Variants in ST6GALNAC3 observed in about 807,000 individuals in gnomAD.
ST6GALNAC3 encodes the protein ST6 N-acetylgalactosaminide alpha-2,6-sialyltransferase 3, also known as alpha-N-acetylgalactosaminide alpha-2,6-sialyltransferase 3.
Under a neutral mutation model 32.7 loss-of-function variants are expected in ST6GALNAC3, and 25 were observed. That is an observed-to-expected ratio of 0.76 (90% CI 0.56 to 1.07). The LOEUF is 1.07. Ranked by LOEUF, ST6GALNAC3 falls within the 50% of genes least tolerant of loss-of-function variation. The probability of loss-of-function intolerance (pLI) is 0.00; values close to 1 mark genes in which losing one functional copy is unlikely to be tolerated. For synonymous variants in ST6GALNAC3, 129 were observed against 133.1 expected (o/e 0.97, Z 0.21); for missense variants, 355 against 382.4 (o/e 0.93, Z 0.60).
chr1:76,572,051 A>G (rs1665891333), intron 3 of ST6GALNAC3, among the ~76,000 whole-genome samples: 2 of 152,094 alleles, frequency 1.3e-5, no homozygotes, highest in South Asian at 4.1e-4. Context: ...TTCCTCATGG[A>G]AAAATAATTA....
At chr1:76,345,328 G>A (rs1300657059) in intron 2 of ST6GALNAC3, among the ~76,000 whole-genome samples, 1 of 152,094 alleles carries the variant, frequency 6.6e-6, no homozygotes, top group Admixed American at 6.5e-5. Context: ...GAAGAAAAGA[G>A]AAATCAAGGC....
chr1:76,494,109 G>A (rs1240324922), intron 3 of ST6GALNAC3, among the ~76,000 whole-genome samples: 1 of 151,854 alleles, frequency 6.6e-6, no homozygotes, highest in East Asian at 1.9e-4. Context: ...CTCGGCAGCA[G>A]GATTTCTGAA....
At chr1:76,205,495 A>G (rs1654770187) in intron 1 of ST6GALNAC3, among the ~76,000 whole-genome samples, 1 of 152,076 alleles carries the variant, frequency 6.6e-6, no homozygotes, top group South Asian at 2.1e-4. Flanking sequence ...GATAGAGGGG[A>G]TGAGGAGAGG....
At chr1:76,376,762 T>C (rs61771501) in intron 2 of ST6GALNAC3, among the ~76,000 whole-genome samples, 94,960 of 151,986 alleles carry the variant, frequency 0.62, 30,903 homozygotes, top group Non-Finnish European at 0.72. Flanking sequence ...GGGCTTAAAT[T>C]TGCCATTTAA....
At chr1:76,418,134 A>G (rs189024563) in intron 3 of ST6GALNAC3, among the ~76,000 whole-genome samples, 1 of 152,264 alleles carries the variant, frequency 6.6e-6, no homozygotes, top group African/African-American at 2.4e-5. Context: ...TTTATAAGCT[A>G]GCAAGGGTTT....
chr1:76,623,994 G>C (rs1648807403), intron 3 of ST6GALNAC3, among the ~76,000 whole-genome samples: 1 of 151,842 alleles, frequency 6.6e-6, no homozygotes. Context: ...CAAATAGTTA[G>C]AGAAAAGAAC....
At chr1:76,500,041 A>G (rs559864978) in intron 3 of ST6GALNAC3, among the ~76,000 whole-genome samples, 2 of 152,278 alleles carry the variant, frequency 1.3e-5, no homozygotes, top group Admixed American at 1.3e-4. Context: ...GAGATTTAAA[A>G]AAAAAAGCCT....
chr1:76,592,845 G>T (rs1647069773), intron 3 of ST6GALNAC3, among the ~76,000 whole-genome samples: 1 of 152,182 alleles, frequency 6.6e-6, no homozygotes. Context: ...AGCATTTGGG[G>T]ACGCAGAGGA....
chr1:76,282,423 T>A (rs1488143019), intron 1 of ST6GALNAC3, among the ~76,000 whole-genome samples: 6 of 152,194 alleles, frequency 3.9e-5, no homozygotes, highest in Non-Finnish European at 8.8e-5. Flanking sequence ...TATGAACATC[T>A]CCCCATGTCA....
At chr1:76,289,584 G>A (rs1460489715) in intron 1 of ST6GALNAC3, among the ~76,000 whole-genome samples, 2 of 152,170 alleles carry the variant, frequency 1.3e-5, no homozygotes, top group Non-Finnish European at 2.9e-5. Context: ...CTTCTTGTGG[G>A]GCTGAGGGGT....
At chr1:76,508,520 C>T (rs578097511) in intron 3 of ST6GALNAC3, among the ~76,000 whole-genome samples, 1 of 152,228 alleles carries the variant, frequency 6.6e-6, no homozygotes, top group African/African-American at 2.4e-5. Flanking sequence ...CCTAGGAAGG[C>T]AGCATTGTGT....
At chr1:76,176,351 C>T (rs1376289222) in intron 1 of ST6GALNAC3, among the ~76,000 whole-genome samples, 1 of 152,188 alleles carries the variant, frequency 6.6e-6, no homozygotes, top group Non-Finnish European at 1.5e-5. Flanking sequence ...CTGCTCATTG[C>T]TGGAAGGTCA....
intron 1 of ST6GALNAC3, among the ~76,000 whole-genome samples, chr1:76,238,850 T>C (rs904293174): frequency 1.3e-5 from 2 of 152,134 alleles, no homozygotes; most frequent in African/African-American, 4.8e-5. Flanking sequence ...GGATTTTTTT[T>C]GGTTCACAAT....
intron 3 of ST6GALNAC3, among the ~76,000 whole-genome samples, chr1:76,524,031 C>G (rs958544522): frequency 1.3e-5 from 2 of 152,092 alleles, no homozygotes; most frequent in Non-Finnish European, 2.9e-5. Context: ...CTCTCTAATA[C>G]TTATTATCTA....
At chr1:76,251,160 A>G (rs549282801) in intron 1 of ST6GALNAC3, among the ~76,000 whole-genome samples, 1 of 152,086 alleles carries the variant, frequency 6.6e-6, no homozygotes, top group African/African-American at 2.4e-5. Context: ...CTAAACAACT[A>G]CTTTAATTAG....
At chr1:76,426,544 G>GATAT (rs35312320) in intron 3 of ST6GALNAC3, among the ~76,000 whole-genome samples, 24 of 146,668 alleles carry the variant, frequency 1.6e-4, no homozygotes, top group African/African-American at 5.1e-4. Flanking sequence ...CTGTTTTACA[G>GATAT]ATATATATAT....
intron 1 of ST6GALNAC3, among the ~76,000 whole-genome samples, chr1:76,219,817 G>A (rs1030467961): frequency 4.6e-5 from 7 of 152,108 alleles, no homozygotes; most frequent in African/African-American, 9.7e-5. Flanking sequence ...GTCCTTTAAC[G>A]CAGTCATAGT....
At chr1:76,593,264 G>A (rs1306828000) in intron 3 of ST6GALNAC3, among the ~76,000 whole-genome samples, 2 of 152,142 alleles carry the variant, frequency 1.3e-5, no homozygotes, top group Non-Finnish European at 2.9e-5. Context: ...CAGTACAGAA[G>A]CAAAGGAAGA....
At chr1:76,567,459 CTA>C (rs1432562998) in intron 3 of ST6GALNAC3, among the ~76,000 whole-genome samples, 4 of 152,110 alleles carry the variant, frequency 2.6e-5, no homozygotes, top group Non-Finnish European at 4.4e-5. Context: ...ACATGAAAGA[CTA>C]TTTCTAAATG....
Sources: gnomAD v4.1 joint callset for allele counts (sites outside exome capture counted in the v4.1 genomes callset) on GRCh38, gnomAD v4.1.1 for gene constraint, MANE v1.5 for transcripts, NCBI Gene and HGNC (gene_info 2026-07-23, HGNC 2026-07-21) for gene names.